PIK3C2G: variants seen among roughly 807,000 people sequenced by gnomAD.
The protein encoded by PIK3C2G is phosphatidylinositol-4-phosphate 3-kinase catalytic subunit type 2 gamma, also known as phosphatidylinositol 3-kinase C2 domain-containing subunit gamma.
Under a neutral mutation model 181.1 loss-of-function variants are expected in PIK3C2G, and 168 were observed. The ratio of observed to expected loss-of-function variants is 0.93; its 90% CI spans 0.82 to 1.05. PIK3C2G has a LOEUF of 1.05. Ranked by LOEUF, PIK3C2G falls within the 50% of genes least tolerant of loss-of-function variation. The pLI, the probability that PIK3C2G is intolerant of heterozygous loss-of-function variation, is 0.00. For synonymous variants in PIK3C2G, 573 were observed against 592.2 expected (o/e 0.97, Z 0.47); for missense variants, 1,869 against 1,732.8 (o/e 1.08, Z -1.40).
At chr12:18,511,535 C>T (rs1942206293) in intron 24 of PIK3C2G, among the ~76,000 whole-genome samples, 1 of 152,040 alleles carries the variant, frequency 6.6e-6, no homozygotes, top group South Asian at 2.1e-4. Flanking sequence ...GAGGTGGTTT[C>T]TCAGTGTGGC....
chr12:18,624,632 T>C (rs1304261077), intron 31 of PIK3C2G, among the ~76,000 whole-genome samples: 3 of 151,644 alleles, frequency 2.0e-5, no homozygotes, highest in Non-Finnish European at 4.4e-5. Flanking sequence ...CTTCATTAAA[T>C]ATTTGATAGA....
chr12:18,280,124 G>A (rs1205946219), intron 1 of PIK3C2G, among the ~76,000 whole-genome samples: 1 of 151,976 alleles, frequency 6.6e-6, no homozygotes, highest in African/African-American at 2.4e-5. Context: ...TCAAAGTGAA[G>A]CAAATACTTC....
chr12:18,299,320 C>A (rs536458696), intron 5 of PIK3C2G, among the ~76,000 whole-genome samples: 37 of 151,802 alleles, frequency 2.4e-4, no homozygotes, highest in African/African-American at 8.9e-4. Context: ...AATGGGATTT[C>A]CTTCTTAATT....
At chr12:18,622,742 A>G (rs1420233039) in intron 31 of PIK3C2G, among the ~76,000 whole-genome samples, 1 of 151,850 alleles carries the variant, frequency 6.6e-6, no homozygotes, top group Non-Finnish European at 1.5e-5. Flanking sequence ...GATAATAGCT[A>G]TTCTAACAGG....
At chr12:18,321,705 T>TATGCCC (rs1228659524) in intron 7 of PIK3C2G, among the ~76,000 whole-genome samples, 10 of 152,116 alleles carry the variant, frequency 6.6e-5, no homozygotes, top group Non-Finnish European at 1.2e-4. Context: ...GATCAACCCA[T>TATGCCC]ATGCCCATCA....
intron 18 of PIK3C2G, among the ~76,000 whole-genome samples, chr12:18,428,547 C>A (rs1369774645): frequency 2.0e-5 from 3 of 152,136 alleles, no homozygotes; most frequent in Non-Finnish European, 4.4e-5. Context: ...ACAGCGCTCC[C>A]TGCTCCACAA....
chr12:18,348,374 C>T (rs1487428357), intron 11 of PIK3C2G, among the ~76,000 whole-genome samples: 5 of 151,830 alleles, frequency 3.3e-5, no homozygotes, highest in Non-Finnish European at 7.4e-5. Flanking sequence ...ACCAACTCTC[C>T]TTTTTCTGTC....
intron 18 of PIK3C2G, among the ~76,000 whole-genome samples, chr12:18,487,574 T>A (rs537080944): frequency 1.3e-5 from 2 of 152,270 alleles, no homozygotes; most frequent in African/African-American, 4.8e-5. Context: ...TAGTCTTTTT[T>A]AATTCCATTT....
At chr12:18,688,283 A>C in the PIK3C2G span, 1 of 1,512,634 alleles carries the variant, frequency 6.6e-7, no homozygotes, top group Non-Finnish European at 8.9e-7. Flanking sequence ...ATTTATTTCA[A>C]AATTAAGTTA....
At chr12:18,540,704 T>G (rs985436856) in intron 25 of PIK3C2G, among the ~76,000 whole-genome samples, 1 of 151,930 alleles carries the variant, frequency 6.6e-6, no homozygotes, top group Non-Finnish European at 1.5e-5. Flanking sequence ...GCTCTAATTA[T>G]TCAGCTCTTT....
At chr12:18,320,889 G>A in intron 6 of PIK3C2G, 73 bp from the exon 7 acceptor site, 2 of 775,638 alleles carry the variant, frequency 2.6e-6, no homozygotes, top group Non-Finnish European at 4.3e-6. Flanking sequence ...ACAGCAGGAA[G>A]TTACGGACCT....
chr12:18,405,337 G>A (rs566136989), intron 16 of PIK3C2G, among the ~76,000 whole-genome samples: 43 of 152,270 alleles, frequency 2.8e-4, no homozygotes, highest in African/African-American at 9.9e-4. Flanking sequence ...ACTGTGTGTA[G>A]CTATAGAGAG....
intron 24 of PIK3C2G, among the ~76,000 whole-genome samples, chr12:18,536,627 T>A (rs1943867905): frequency 6.6e-6 from 1 of 151,992 alleles, no homozygotes; most frequent in Non-Finnish European, 1.5e-5. Context: ...CCTAAGTTAA[T>A]CCTCACAGCA....
intron 18 of PIK3C2G, among the ~76,000 whole-genome samples, chr12:18,467,687 A>C (rs1307118983): frequency 1.3e-5 from 2 of 151,964 alleles, no homozygotes; most frequent in African/African-American, 4.8e-5. Flanking sequence ...AAGGGGTAAG[A>C]GAAGAGAGCA....
intron 1 of PIK3C2G, among the ~76,000 whole-genome samples, chr12:18,280,928 T>C (rs956274212): frequency 1.3e-5 from 2 of 151,924 alleles, no homozygotes; most frequent in Non-Finnish European, 2.9e-5. Context: ...TTATTGGATA[T>C]AGAAGAAGAA....
intron 8 of PIK3C2G, 136 bp from the exon 9 acceptor site, chr12:18,338,290 C>A (rs1938745303): frequency 3.0e-6 from 2 of 676,282 alleles, no homozygotes; most frequent in Non-Finnish European, 5.0e-6. Flanking sequence ...GTCTTGAGAA[C>A]TTTCTTTTTG....
chr12:18,468,800 T>A (rs532679093), intron 18 of PIK3C2G, among the ~76,000 whole-genome samples: 3 of 152,176 alleles, frequency 2.0e-5, no homozygotes, highest in South Asian at 2.1e-4. Flanking sequence ...ATTACTTTTT[T>A]AAAAAAATAT....
At chr12:18,363,895 G>C (rs183923388) in intron 12 of PIK3C2G, among the ~76,000 whole-genome samples, 2 of 152,156 alleles carry the variant, frequency 1.3e-5, no homozygotes, top group Non-Finnish European at 1.5e-5. Context: ...CCTTCTTATA[G>C]GACCATGACA....
intron 1 of PIK3C2G, among the ~76,000 whole-genome samples, chr12:18,263,469 C>A (rs557104658): frequency 1.1e-4 from 16 of 152,160 alleles, no homozygotes; most frequent in African/African-American, 3.9e-4. Flanking sequence ...TTTGACTGAT[C>A]ACTCTACAAA....
Sources: allele counts gnomAD v4.1 joint callset (sites outside exome capture counted in the v4.1 genomes callset), GRCh38; gene constraint gnomAD v4.1.1; transcripts MANE v1.5; gene names NCBI Gene and HGNC (gene_info 2026-07-23, HGNC 2026-07-21).